Variants in UNC5D observed in about 807,000 individuals in gnomAD.
The protein encoded by UNC5D is unc-5 netrin receptor D, also known as netrin receptor UNC5D.
A neutral mutation model predicts 105.4 loss-of-function variants in UNC5D; 39 were observed. The ratio of observed to expected loss-of-function variants is 0.37; its 90% CI spans 0.29 to 0.48. The LOEUF (loss-of-function observed/expected upper bound fraction) is 0.48. UNC5D is among the 20% of genes least tolerant of loss of function. The pLI, the probability that UNC5D is intolerant of heterozygous loss-of-function variation, is 0.98. For missense variants in UNC5D, 991 were observed against 1,202.4 expected, an observed-to-expected ratio of 0.82 and a Z score of 2.60; for synonymous variants, 452 against 450.4, an observed-to-expected ratio of 1.00 and a Z score of -0.04.
At chr8:35,256,856 C>T (rs1017019007) in intron 1 of UNC5D, among the ~76,000 whole-genome samples, 6 of 151,786 alleles carry the variant, frequency 4.0e-5, no homozygotes, top group Non-Finnish European at 8.8e-5. Context: ...GTAGCTATTC[C>T]CAGCTTCTCC....
At chr8:35,291,950 G>A (rs1807098423) in intron 1 of UNC5D, among the ~76,000 whole-genome samples, 1 of 152,150 alleles carries the variant, frequency 6.6e-6, no homozygotes, top group Non-Finnish European at 1.5e-5. Flanking sequence ...GTACAGCCAT[G>A]GAAAAAATAT....
At chr8:35,779,815 G>A (rs930404491) in intron 16 of UNC5D, among the ~76,000 whole-genome samples, 4 of 152,162 alleles carry the variant, frequency 2.6e-5, no homozygotes, top group African/African-American at 9.6e-5. Context: ...ATATGAACAA[G>A]CATCAGGGGA....
At chr8:35,291,199 A>G (rs2128861493) in intron 1 of UNC5D, among the ~76,000 whole-genome samples, 2 of 152,262 alleles carry the variant, frequency 1.3e-5, no homozygotes, top group South Asian at 4.1e-4. Context: ...CATGGTACCT[A>G]CAAGAGACTC....
chr8:35,615,912 A>G (rs1446614460), intron 4 of UNC5D, among the ~76,000 whole-genome samples: 1 of 152,182 alleles, frequency 6.6e-6, no homozygotes, highest in East Asian at 1.9e-4. Flanking sequence ...TCACTTTACA[A>G]TTTACAAAGA....
At chr8:35,364,310 C>G (rs913157259) in intron 1 of UNC5D, among the ~76,000 whole-genome samples, 3 of 151,960 alleles carry the variant, frequency 2.0e-5, no homozygotes, top group African/African-American at 7.3e-5. Flanking sequence ...GCTTTTGGTT[C>G]AGTTTTCATT....
intron 4 of UNC5D, among the ~76,000 whole-genome samples, chr8:35,642,217 T>A (rs1383572887): frequency 6.6e-6 from 1 of 152,162 alleles, no homozygotes; most frequent in Non-Finnish European, 1.5e-5. Flanking sequence ...ACTGGGGTGC[T>A]GCTGCCTGTC....
At chr8:35,689,948 A>T (rs571360392) in intron 7 of UNC5D, among the ~76,000 whole-genome samples, 1 of 152,330 alleles carries the variant, frequency 6.6e-6, no homozygotes, top group East Asian at 1.9e-4. Context: ...AAAACAGCTC[A>T]ATCCATTCCT....
At chr8:35,487,594 C>CATACACACA (rs1554542234) in intron 1 of UNC5D, among the ~76,000 whole-genome samples, 12 of 146,756 alleles carry the variant, frequency 8.2e-5, no homozygotes, top group African/African-American at 3.3e-4. Flanking sequence ...CACACACACA[C>CATACACACA]CCCACAGACT....
At position 35,532,536 on chromosome 8, in the gene UNC5D, CT is replaced by C. The variant is rs1360056561; in HGVS notation, c.104-16754del. 2.2e-3 allele frequency among the ~76,000 whole-genome samples: 112 copies of C among 51,840 alleles called. 2 individuals are homozygous for C. Among genetic ancestry groups the C allele is most frequent in the African/African-American group, 0.01 (102 of 10,082 alleles). The allele number at this position is 51,840 out of a possible 152,430, so 34.0% of individuals were successfully genotyped here. A position where few individuals can be genotyped will look rare whatever the true frequency, so the allele number is the denominator to read the frequency against. On this transcript the variant is annotated intron_variant, in intron 1 of 16. Transcript: ENST00000404895. The stretch of plus-strand genomic sequence containing the variant: ...GACAATTATGTGTCTTGGAGTTGCT[CT>C]TCTCGAGGAGTATCTTTGTGGCGTT...
At chr8:35,679,517 C>T (rs1028993950) in intron 4 of UNC5D, among the ~76,000 whole-genome samples, 2 of 152,112 alleles carry the variant, frequency 1.3e-5, no homozygotes, top group African/African-American at 2.4e-5. Flanking sequence ...TGAAGGAGTA[C>T]AGCATGGCTA....
At chr8:35,533,708 G>T (rs955908163) in intron 1 of UNC5D, among the ~76,000 whole-genome samples, 50 of 152,200 alleles carry the variant, frequency 3.3e-4, no homozygotes, top group African/African-American at 1.2e-3. Flanking sequence ...GATTCCGTGG[G>T]CGTAGGACCC....
chr8:35,352,036 T>C (rs879792786), intron 1 of UNC5D, among the ~76,000 whole-genome samples: 5 of 152,102 alleles, frequency 3.3e-5, no homozygotes, highest in Admixed American at 2.0e-4. Flanking sequence ...AAGATAATCA[T>C]GCAAGTACAC....
intron 1 of UNC5D, among the ~76,000 whole-genome samples, chr8:35,466,099 C>A (rs1023069166): frequency 2.0e-5 from 3 of 152,140 alleles, no homozygotes; most frequent in Non-Finnish European, 2.9e-5. Flanking sequence ...TTGTAAGGCA[C>A]CAAGCTTGTA....
intron 1 of UNC5D, among the ~76,000 whole-genome samples, chr8:35,339,379 T>C (rs1213095883): frequency 1.3e-5 from 2 of 152,232 alleles, no homozygotes; most frequent in African/African-American, 4.8e-5. Flanking sequence ...GTGAACATGG[T>C]GGCATATCCA....
intron 16 of UNC5D, among the ~76,000 whole-genome samples, chr8:35,782,144 G>A (rs1028129250): frequency 3.9e-5 from 6 of 152,186 alleles, no homozygotes; most frequent in Non-Finnish European, 7.3e-5. Flanking sequence ...ACTTTATCCT[G>A]TAGGCTGCTT....
At chr8:35,290,987 T>A (rs1184235919) in intron 1 of UNC5D, among the ~76,000 whole-genome samples, 2 of 149,742 alleles carry the variant, frequency 1.3e-5, no homozygotes, top group East Asian at 3.9e-4. Flanking sequence ...AGAAAGAGTG[T>A]CAGAGAAATT....
At chr8:35,254,936 A>T (rs961243313) in intron 1 of UNC5D, 1 of 152,236 alleles carries the variant, frequency 6.6e-6, no homozygotes, top group African/African-American at 2.4e-5. Flanking sequence ...GAAATTTCAA[A>T]TGAGCTTATA....
intron 1 of UNC5D, among the ~76,000 whole-genome samples, chr8:35,534,843 T>C (rs1814713531): frequency 6.6e-6 from 1 of 152,106 alleles, no homozygotes; most frequent in South Asian, 2.1e-4. Flanking sequence ...TATAGTGTAA[T>C]GATATCAACA....
chr8:35,644,825 A>G (rs187838233), intron 4 of UNC5D, among the ~76,000 whole-genome samples: 51 of 151,216 alleles, frequency 3.4e-4, no homozygotes, highest in Admixed American at 1.8e-3. Flanking sequence ...GAAATCACTA[A>G]AAGAGTTAGA....
Sources: allele counts gnomAD v4.1 joint callset (sites outside exome capture counted in the v4.1 genomes callset), GRCh38; gene constraint gnomAD v4.1.1; transcripts MANE v1.5; gene names NCBI Gene and HGNC (gene_info 2026-07-23, HGNC 2026-07-21).